The following HNF4A variants were observed in gnomAD, a reference collection of about 807,000 sequenced individuals.
The protein encoded by HNF4A is hepatocyte nuclear factor 4 alpha.
HNF4A carries 15 observed loss-of-function variants against 52.4 expected under a neutral mutation model. The ratio of observed to expected loss-of-function variants is 0.29; its 90% CI spans 0.19 to 0.44. HNF4A has a LOEUF of 0.44. Among genes scored for constraint, HNF4A ranks in the 20% least tolerant of loss-of-function variants. The pLI is 1.00. For missense variants in HNF4A, 479 were observed against 647.2 expected (o/e 0.74, Z 2.82); for synonymous variants, 280 against 264.4 (o/e 1.06, Z -0.57).
intron 7 of HNF4A, 123 bp from the exon 8 acceptor site, chr20:44,423,895 C>A: frequency 1.2e-6 from 1 of 857,736 alleles, no homozygotes; most frequent in South Asian, 1.5e-5. Flanking sequence ...GTCCCTGAAT[C>A]CTTGTGCCCA....
intron 8 of HNF4A, chr20:44,424,616 T>C: frequency 7.1e-7 from 1 of 1,410,416 alleles, no homozygotes; most frequent in Non-Finnish European, 9.2e-7. Flanking sequence ...CATTTTATGA[T>C]TTTGAAATAA....
chr20:44,424,531 G>T, intron 8 of HNF4A: 1 of 1,056,518 alleles, frequency 9.5e-7, no homozygotes, highest in Non-Finnish European at 1.4e-6. Context: ...GAGGCTGTGT[G>T]TGTGTGAGTA....
chr20:44,395,087 A>G (rs2063341015), intron 1 of HNF4A, among the ~76,000 whole-genome samples: 1 of 152,254 alleles, frequency 6.6e-6, no homozygotes, highest in South Asian at 2.1e-4. Context: ...GTGGCCACCC[A>G]TCATCGGGTG....
rs1353491071 is a variant in HNF4A at position 44,379,734 on chromosome 20, T to G, written c.49+23881T>G. 7.9e-3 allele frequency among the ~76,000 whole-genome samples: 1,133 copies of G among 144,024 alleles called. 12 individuals are homozygous for G. Among genetic ancestry groups the G allele is most frequent in the African/African-American group, 0.027 (1,061 of 38,852 alleles). 94.5% of individuals were successfully genotyped at this position (144,024 alleles called of 152,430 possible). On this transcript the variant is annotated intron_variant, in intron 1 of 9. Coordinates refer to the HNF4A transcript ENST00000316673. ...ACCCGGATAATTTTTCTTTTCCTTTTTTTTTTTTTTTTTTTTTGAGACAGA... is the reference window on the plus strand; with the variant it reads ...ACCCGGATAATTTTTCTTTTCCTTTGTTTTTTTTTTTTTTTTTGAGACAGA...
At chr20:44,379,937 C>T (rs970453630) in intron 1 of HNF4A, among the ~76,000 whole-genome samples, 13 of 151,948 alleles carry the variant, frequency 8.6e-5, no homozygotes, top group East Asian at 1.9e-4. Context: ...TTTCACCATG[C>T]TGGCCAGGCT....
chr20:44,420,494 C>A (rs1490516354), intron 7 of HNF4A, among the ~76,000 whole-genome samples: 1 of 151,256 alleles, frequency 6.6e-6, no homozygotes, highest in Non-Finnish European at 1.5e-5. Context: ...AAAATAATAT[C>A]TAGAACCGGA....
chr20:44,372,056 C>T (rs1226739447), intron 1 of HNF4A, among the ~76,000 whole-genome samples: 1 of 152,152 alleles, frequency 6.6e-6, no homozygotes. Context: ...GAACTTTGCT[C>T]ACACCCTATC....
At chr20:44,357,077 G>A (rs2144908) in intron 1 of HNF4A, among the ~76,000 whole-genome samples, 28,913 of 152,064 alleles carry the variant, frequency 0.19, 3,529 homozygotes, top group East Asian at 0.44. Flanking sequence ...GAGGACAGAG[G>A]GCCAGGGAAT....
At chr20:44,355,786 C>G in exon 1 of HNF4A, 1 of 1,612,798 alleles carries the variant, frequency 6.2e-7, no homozygotes, top group Non-Finnish European at 8.5e-7. Flanking sequence ...CCCAGCTCTC[C>G]GGCTGGGTGG....
At chr20:44,388,642 G>A (rs2063264004) in intron 1 of HNF4A, among the ~76,000 whole-genome samples, 1 of 152,148 alleles carries the variant, frequency 6.6e-6, no homozygotes, top group Non-Finnish European at 1.5e-5. Flanking sequence ...GCTGTGATTG[G>A]TGAAGTCCCT....
rs529573001 is a variant in HNF4A, at chr20:44,357,850, A to G, written c.49+1997A>G. Among the ~76,000 whole-genome samples the G allele has an allele frequency of 3.5e-5, 5 of 144,888 alleles. No individual in the cohort carries two copies. In the South Asian group the frequency reaches 6.6e-4, roughly 19 times the overall value. On this transcript the variant is annotated intron_variant, in intron 1 of 9. Coordinates refer to the HNF4A transcript ENST00000316673. ...AACTAAGGTTCAAGATTAAAAAAAA[A>G]ACACAAACAAACAAAAAATGTCATC...
At chr20:44,366,516 G>A (rs1180362803) in intron 1 of HNF4A, among the ~76,000 whole-genome samples, 1 of 152,158 alleles carries the variant, frequency 6.6e-6, no homozygotes, top group Non-Finnish European at 1.5e-5. Context: ...AGCTACTCAG[G>A]AGGCTGAGGC....
intron 1 of HNF4A, among the ~76,000 whole-genome samples, chr20:44,393,934 C>G (rs1484895188): frequency 6.6e-6 from 1 of 152,148 alleles, no homozygotes; most frequent in Non-Finnish European, 1.5e-5. Context: ...CCAGGCTGGT[C>G]TCAAACTCTT....
chr20:44,409,427 T>C (rs1568726132), intron 3 of HNF4A, among the ~76,000 whole-genome samples: 1 of 152,210 alleles, frequency 6.6e-6, no homozygotes, highest in Non-Finnish European at 1.5e-5. Flanking sequence ...AGTGATTCCA[T>C]TATCCCAAAA....
intron 1 of HNF4A, among the ~76,000 whole-genome samples, chr20:44,389,315 C>T (rs1302603812): frequency 4.3e-4 from 65 of 152,202 alleles, no homozygotes; most frequent in Non-Finnish European, 4.4e-5. Context: ...TCCACCAAAA[C>T]GCAAGCTCTG....
At chr20:44,385,631 G>T (rs1175504667) in intron 1 of HNF4A, among the ~76,000 whole-genome samples, 3 of 151,742 alleles carry the variant, frequency 2.0e-5, no homozygotes, top group African/African-American at 7.3e-5. Context: ...ACCACACCCA[G>T]CTAGTTTTTG....
rs544432979 is a variant in HNF4A, at chr20:44,370,558, C to T, written c.49+14705C>T. On this transcript the variant is annotated intron_variant, in intron 1 of 9. Transcript: ENST00000316673. The stretch of plus-strand genomic sequence containing the variant: ...CCCTTGATAGCAATTCCATTATCCT[C>T]TACAGCGCTGAAATTACGTATTCCT... Among the ~76,000 whole-genome samples, 3 of 152,348 alleles carry T rather than the reference C, an allele frequency of 2.0e-5. No homozygotes were observed. The East Asian group carries it at 5.8e-4, about 29-fold the overall frequency.
At chr20:44,423,876 G>A in intron 7 of HNF4A, 142 bp from the exon 8 acceptor site, 1 of 728,178 alleles carries the variant, frequency 1.4e-6, no homozygotes, top group East Asian at 2.7e-5. Context: ...GCGTACCCTG[G>A]TTGTTGAGGT....
chr20:44,361,249 G>A (rs1461902020), intron 1 of HNF4A, among the ~76,000 whole-genome samples: 1 of 152,126 alleles, frequency 6.6e-6, no homozygotes, highest in Non-Finnish European at 1.5e-5. Flanking sequence ...CCTGGGGTGA[G>A]TTCCAAGAGT....
Sources: gnomAD v4.1 joint callset for allele counts (sites outside exome capture counted in the v4.1 genomes callset) on GRCh38, gnomAD v4.1.1 for gene constraint, MANE v1.5 for transcripts, NCBI Gene and HGNC (gene_info 2026-07-23, HGNC 2026-07-21) for gene names.